TARM1: variants seen among roughly 807,000 people sequenced by gnomAD.
TARM1 encodes T-cell-interacting, activating receptor on myeloid cells protein 1.
A neutral mutation model predicts 30.4 loss-of-function variants in TARM1; 24 were observed. The observed-to-expected ratio is 0.79, with a 90% CI of 0.57 to 1.11. TARM1 has a LOEUF of 1.11. Ranked by LOEUF, TARM1 falls within the 50% of genes least tolerant of loss-of-function variation. TARM1 has a pLI of 0.00. For missense variants in TARM1, 323 were observed against 332.8 expected (o/e 0.97, Z 0.23); for synonymous variants, 129 against 138.9 (o/e 0.93, Z 0.50).
At position 54,075,884 on chromosome 19, in the gene TARM1, A is replaced by G; in HGVS notation, c.69T>C (p.Asp23=). ...GGGTGTAGTTGAAGAAACACTCACC[A>G]TCTCCCCTTGTGTCTCCTTGGCCCA... The part of the protein sequence containing the change: ...LCVGQGDTRG[D]GSLPKPSLSA... Residue 23 remains aspartate, a splice_region_variant and synonymous_variant, in exon 2 of 5, where the codon GAT becomes GAC. Coordinates refer to ENST00000432826, the MANE Select transcript of TARM1 (RefSeq NM_001135686.3). 1 of 1,551,406 alleles carries G rather than the reference A, an allele frequency of 6.4e-7. No homozygotes were observed. The highest frequency in any genetic ancestry group is 1.7e-4 in the Middle Eastern group (1 of 5,992).
intron 1 of TARM1, 151 bp downstream of exon 1, chr19:54,081,156 G>T: frequency 1.4e-6 from 1 of 704,254 alleles, no homozygotes; most frequent in South Asian, 1.9e-5. Flanking sequence ...CTCGTTTCCA[G>T]GGAATGTCTG....
At chr19:54,074,680 C>T in intron 3 of TARM1, 144 bp downstream of exon 3, 1 of 874,838 alleles carries the variant, frequency 1.1e-6, no homozygotes, top group Non-Finnish European at 1.7e-6. Flanking sequence ...ATAAAACCAA[C>T]ATATGCAATT....
intron 2 of TARM1, 67 bp downstream of exon 2, chr19:54,075,810 GGGGGAA>G: frequency 6.8e-7 from 1 of 1,475,926 alleles, no homozygotes; most frequent in South Asian, 1.2e-5. Flanking sequence ...GAGAAAAAGA[GGGGGAA>G]GGGGAAGAGA....
chr19:54,074,128 G>A lies in TARM1; in HGVS notation c.450C>T (p.Asp150=). ...GRVTLQCQKR[D]QLFVPIMFAL... ...CGAACATGATAGGCACAAACAATTGGTCTCGCTTCTGGCACTGCAGAGTCA... is the reference window on the plus strand; with the variant it reads ...CGAACATGATAGGCACAAACAATTGATCTCGCTTCTGGCACTGCAGAGTCA... Residue 150 remains aspartate, a synonymous_variant, in exon 4 of 5, where the codon GAC becomes GAT. Coordinates refer to ENST00000432826, the MANE Select transcript of TARM1 (RefSeq NM_001135686.3). 1.3e-6 allele frequency: 2 copies of A among 1,551,700 alleles called. No homozygotes were observed. Among genetic ancestry groups the A allele is most frequent in the South Asian group, 1.2e-5 (1 of 84,066 alleles).
chr19:54,079,925 G>A, intron 1 of TARM1, among the ~76,000 whole-genome samples: 1 of 149,686 alleles, frequency 6.7e-6, no homozygotes, highest in East Asian at 2.0e-4. Flanking sequence ...AATTGCTTGA[G>A]CCCAGGAGGT....
intron 1 of TARM1, chr19:54,076,228 T>C: frequency 2.6e-6 from 4 of 1,509,438 alleles, no homozygotes; most frequent in Non-Finnish European, 3.5e-6. Flanking sequence ...CATTTCTTTC[T>C]TTCTTTCTTT....
intron 4 of TARM1, among the ~76,000 whole-genome samples, chr19:54,070,779 A>AT (rs1203331584): frequency 2.0e-5 from 3 of 148,138 alleles, no homozygotes; most frequent in East Asian, 2.0e-4. Flanking sequence ...CACCCGGCTA[A>AT]TTTTGTATTT....
chr19:54,071,795 C>T (rs1362004414), intron 4 of TARM1, among the ~76,000 whole-genome samples: 1 of 152,034 alleles, frequency 6.6e-6, no homozygotes, highest in African/African-American at 2.4e-5. Flanking sequence ...TGTGCCACTA[C>T]ACTCCAGCTT....
chr19:54,075,264 T>A, intron 2 of TARM1, 150 bp from the exon 3 acceptor site: 1 of 674,036 alleles, frequency 1.5e-6, no homozygotes, highest in Non-Finnish European at 2.3e-6. Context: ...CTCAGTTCAC[T>A]GCAACCTCCG....
chr19:54,070,129 G>C lies in TARM1; in HGVS notation c.690C>G (p.Ser230=). The C allele has an allele frequency of 6.4e-7, 1 of 1,551,664 alleles. No individual in the cohort carries two copies. Among genetic ancestry groups the C allele is most frequent in the Non-Finnish European group, 8.7e-7 (1 of 1,146,986 alleles). The change falls in exon 5 of 5, where the codon TCC becomes TCG. Residue 230 remains serine, a synonymous_variant. Coordinates refer to ENST00000432826, the MANE Select transcript of TARM1 (RefSeq NM_001135686.3). ...GACCCAGTCGTACGAAGTTACCCAG[G>C]GAGTAGTTGCTCGATGTGGTACCTG... ...VPPGTTSSNY[S]LGNFVRLGLA...
At position 54,073,948 on chromosome 19, in the gene TARM1, G is replaced by C. The variant is rs1199588823; in HGVS notation, c.630C>G (p.Pro210=). The C allele has an allele frequency of 1.9e-6, 3 of 1,551,652 alleles. No homozygotes were observed. The highest frequency in any genetic ancestry group is 3.9e-5 in the Admixed American group (2 of 50,994). ...QTKSPFWASE[P]SDQLEILVTV... ...TCACCAATATCTCAAGCTGATCACT[G>C]GGTTCTGAGGCCCAGAAGGGAGACT... Residue 210 remains proline (P), a synonymous_variant, in exon 4 of 5, where the codon CCC becomes CCG. Transcript: ENST00000432826.
In TARM1 at chr19:54,077,973, G is replaced by A. The variant is rs587620740; in HGVS notation, c.35-2055C>T. On this transcript the variant is annotated intron_variant, in intron 1 of 4. Transcript: ENST00000432826. ...GGGATTACAGCTCACTGCAACCTCC[G>A]CCTTGTGGGTTCAAGTGATTCTCCT... is the stretch of plus-strand genomic sequence containing the variant. Among the ~76,000 whole-genome samples the A allele has an allele frequency of 3.6e-4, 54 of 150,032 alleles. No homozygotes were observed. In the South Asian group the frequency reaches 0.011, roughly 31 times the overall value.
intron 1 of TARM1, among the ~76,000 whole-genome samples, chr19:54,079,987 A>C (rs2146226455): frequency 7.4e-6 from 1 of 135,918 alleles, no homozygotes; most frequent in East Asian, 2.3e-4. Flanking sequence ...CTGGGTACAG[A>C]GTGAGACTTT....
At position 54,080,122 on chromosome 19, in the gene TARM1, AG is replaced by A. The variant is rs1165285450; in HGVS notation, c.34+1184del. Among the ~76,000 whole-genome samples the A allele has an allele frequency of 9.9e-3, 444 of 44,676 alleles. 22 individuals carry two copies. The highest frequency in any genetic ancestry group is 0.015 in the South Asian group (15 of 990). The allele number at this position is 44,676 out of a possible 152,430, so 29.3% of individuals were successfully genotyped here. A position where few individuals can be genotyped will look rare whatever the true frequency, so the allele number is the denominator to read the frequency against. ...AAGGAAGGAAGGAAGGAAGGAAGGA[AG>A]GAAGGAAGGAAGGAAGAAAGCAAGC... is the stretch of plus-strand genomic sequence containing the variant. On this transcript the variant is annotated intron_variant, in intron 1 of 4. Coordinates refer to ENST00000432826, the MANE Select transcript of TARM1 (RefSeq NM_001135686.3).
chr19:54,080,436 C>T lies in TARM1; in HGVS notation c.34+871G>A, dbSNP rs1263627189. 1.4e-4 allele frequency among the ~76,000 whole-genome samples: 16 copies of T among 116,184 alleles called. No homozygotes were observed. In the East Asian group the frequency reaches 3.1e-3, roughly 22 times the overall value. The allele number at this position is 116,184 out of a possible 152,430, so 76.2% of individuals were successfully genotyped here. A position where few individuals can be genotyped will look rare whatever the true frequency, so the allele number is the denominator to read the frequency against. On this transcript the variant is annotated intron_variant, in intron 1 of 4. Transcript: ENST00000432826. Reference sequence around the variant, plus strand: ...TCGCACCACTGCACTCCAGCCTGGGCGACAGAGCGAGACTCCATCTCAAAA... The same window carrying T: ...TCGCACCACTGCACTCCAGCCTGGGTGACAGAGCGAGACTCCATCTCAAAA...
chr19:54,073,300 C>T (rs113501156), intron 4 of TARM1, among the ~76,000 whole-genome samples: 117,465 of 149,516 alleles, frequency 0.79, 46,228 homozygotes, highest in East Asian at 0.93. Context: ...TCCTAGCTAC[C>T]TGGGAGGCTG....
intron 1 of TARM1, among the ~76,000 whole-genome samples, chr19:54,080,046 A>AAGGAAGGAAGGAAGGAAGGAAGGAAGGG (rs1568511191): frequency 7.2e-6 from 1 of 138,884 alleles, no homozygotes; most frequent in African/African-American, 2.7e-5. Flanking sequence ...GGAAGGAAGG[A>AAGGAAGGAAGGAAGGAAGGAAGGAAGGG]AGGGAAAGAG....
At chr19:54,077,739 G>GTTTT (rs1185350896) in intron 1 of TARM1, among the ~76,000 whole-genome samples, 15 of 117,622 alleles carry the variant, frequency 1.3e-4, no homozygotes, top group South Asian at 2.8e-4. Flanking sequence ...CTTTTTCTTC[G>GTTTT]TTTTTTTTTT....
Position 54,076,047 on chromosome 19 carries a change from T to C in TARM1, c.35-129A>G. The C allele has an allele frequency of 3.5e-6, 5 of 1,437,970 alleles. No individual in the cohort carries two copies. The South Asian group carries it at 6.4e-5, about 18-fold the overall frequency. 89.1% of individuals were successfully genotyped at this position (1,437,970 alleles called of 1,614,324 possible). A position where few individuals can be genotyped will look rare whatever the true frequency, so the allele number is the denominator to read the frequency against. Reference sequence around the variant, plus strand: ...CCTTAGAGGTCATACGCTCAGGAGTTCTCATTCTCCCCACACTGGACTGTG... The same window carrying C: ...CCTTAGAGGTCATACGCTCAGGAGTCCTCATTCTCCCCACACTGGACTGTG... On this transcript the variant is annotated intron_variant, in intron 1 of 4. Coordinates refer to ENST00000432826, the MANE Select transcript of TARM1 (RefSeq NM_001135686.3).
Sources: allele counts gnomAD v4.1 joint callset (sites outside exome capture counted in the v4.1 genomes callset), GRCh38; gene constraint gnomAD v4.1.1; transcripts MANE v1.5; gene names NCBI Gene and HGNC (gene_info 2026-07-23, HGNC 2026-07-21).